The following NFIB variants were observed in gnomAD, a reference collection of about 807,000 sequenced individuals.
NFIB encodes nuclear factor 1 B-type.
In NFIB, 11 loss-of-function variants were observed where a neutral mutation model predicts 61.5. The ratio of observed to expected loss-of-function variants is 0.18; its 90% confidence interval spans 0.11 to 0.30. NFIB has a LOEUF of 0.30. NFIB is among the 10% of genes least tolerant of loss of function. NFIB has a pLI of 1.00. For missense variants in NFIB, 471 were observed against 608.9 expected, an observed-to-expected ratio of 0.77 and a Z score of 2.38; for synonymous variants, 260 against 216.5, an observed-to-expected ratio of 1.20 and a Z score of -1.76.
intron 3 of NFIB, among the ~76,000 whole-genome samples, chr9:14,159,810 G>A (rs1329053081): frequency 2.0e-5 from 3 of 152,212 alleles, no homozygotes; most frequent in Non-Finnish European, 4.4e-5. Context: ...TCAGCAAAAT[G>A]TCAGGTTATC....
chr9:14,263,713 A>G (rs2056977404), intron 2 of NFIB, among the ~76,000 whole-genome samples: 1 of 152,250 alleles, frequency 6.6e-6, no homozygotes, highest in Non-Finnish European at 1.5e-5. Context: ...ATGAGCCTAC[A>G]TTATCAAATT....
intron 1 of NFIB, among the ~76,000 whole-genome samples, chr9:14,396,406 T>C (rs896083422): frequency 4.6e-5 from 7 of 152,172 alleles, no homozygotes; most frequent in South Asian, 2.1e-4. Context: ...TCCCAGGAAC[T>C]GTTGGCACGC....
intron 1 of NFIB, among the ~76,000 whole-genome samples, chr9:14,342,536 G>C (rs1207820344): frequency 6.6e-6 from 1 of 152,060 alleles, no homozygotes; most frequent in Non-Finnish European, 1.5e-5. Context: ...GAAAAAGAGG[G>C]AAGGAAGGCT....
At chr9:14,295,582 G>A (rs2132591218) in intron 2 of NFIB, among the ~76,000 whole-genome samples, 1 of 152,250 alleles carries the variant, frequency 6.6e-6, no homozygotes, top group Non-Finnish European at 1.5e-5. Context: ...AGTGAGCCGA[G>A]ATTGCGCCAC....
the NFIB span, among the ~76,000 whole-genome samples, chr9:14,492,408 G>T: frequency 2.0e-5 from 3 of 147,810 alleles, no homozygotes; most frequent in South Asian, 6.3e-4. Flanking sequence ...AAAATAAAAA[G>T]AAATAAATAA....
At chr9:14,515,011 T>G in the NFIB span, among the ~76,000 whole-genome samples, 3 of 152,240 alleles carry the variant, frequency 2.0e-5, no homozygotes, top group East Asian at 5.8e-4. Flanking sequence ...GCTATTAGCT[T>G]TGAGTCATCT....
chr9:14,485,766 T>C, the NFIB span, among the ~76,000 whole-genome samples: 1 of 151,986 alleles, frequency 6.6e-6, no homozygotes, highest in Non-Finnish European at 1.5e-5. Flanking sequence ...TCCCAGCTAC[T>C]CAGGAGGCTG....
the NFIB span, among the ~76,000 whole-genome samples, chr9:14,416,996 G>A: frequency 4.6e-5 from 7 of 151,218 alleles, no homozygotes; most frequent in Admixed American, 2.0e-4. Context: ...GGGTTCAAGC[G>A]ATTCTCCTGC....
At position 14,126,789 on chromosome 9, in the gene NFIB, G is replaced by A. The variant is rs199691616; in HGVS notation, c.926-1023C>T. ...TTCCCCCAGAAACTAAATGGAGGGC[G>A]GACTGGCCAAAACAGAGACAGAAAT... On this transcript the variant is annotated intron_variant, in intron 6 of 10. Transcript: ENST00000380953. Among the ~76,000 whole-genome samples the A allele has an allele frequency of 5.9e-5, 9 of 152,240 alleles. No homozygotes were observed. The East Asian group carries it at 1.2e-3, about 20-fold the overall frequency.
At chr9:14,437,490 T>G in the NFIB span, among the ~76,000 whole-genome samples, 1 of 152,220 alleles carries the variant, frequency 6.6e-6, no homozygotes. Context: ...CCAAAGATTG[T>G]TGACTTCCCC....
chr9:14,120,542 G>A lies in NFIB; in HGVS notation c.1143C>T (p.Tyr381=). ...QAILPPAPSS[Y]FSHPTIRYPP... The stretch of plus-strand genomic sequence containing the variant: ...GATATCTGATTGTTGGATGAGAAAA[G>A]TAGCTCGATGGGGCTGGAGGAAGGA... Residue 381 remains tyrosine (Y), a synonymous_variant, in exon 8 of 11, where the codon TAC becomes TAT. Transcript: ENST00000380953. The surrounding 1 kb of genome is among the most constrained non-coding windows in gnomAD (Gnocchi z 4.4). The A allele has an allele frequency of 6.2e-7, 1 of 1,614,074 alleles. No individual in the cohort carries two copies. Among genetic ancestry groups the A allele is most frequent in the South Asian group, 1.1e-5 (1 of 91,064 alleles).
chr9:14,522,007 A>C, the NFIB span, among the ~76,000 whole-genome samples: 4 of 152,236 alleles, frequency 2.6e-5, no homozygotes, highest in African/African-American at 9.6e-5. Context: ...AAATGTTTTC[A>C]AAGTGTCTGA....
chr9:14,310,153 A>G (rs2060213603), intron 1 of NFIB, among the ~76,000 whole-genome samples: 1 of 152,208 alleles, frequency 6.6e-6, no homozygotes, highest in South Asian at 2.1e-4. Flanking sequence ...CCAAAATTCA[A>G]ATTTGAAGGT....
chr9:14,381,114 C>T (rs1377998159), intron 1 of NFIB, among the ~76,000 whole-genome samples: 1 of 149,956 alleles, frequency 6.7e-6, no homozygotes, highest in Non-Finnish European at 1.5e-5. Flanking sequence ...ATAATAATGC[C>T]TATTTGTATA....
At chr9:14,190,049 A>C (rs2047779016) in intron 2 of NFIB, among the ~76,000 whole-genome samples, 1 of 152,110 alleles carries the variant, frequency 6.6e-6, no homozygotes, top group Non-Finnish European at 1.5e-5. Context: ...TATGTTCCTA[A>C]AAAATTTTTT....
chr9:14,219,088 C>T (rs537849590), intron 2 of NFIB, among the ~76,000 whole-genome samples: 1 of 152,142 alleles, frequency 6.6e-6, no homozygotes, highest in African/African-American at 2.4e-5. Context: ...TGTAGATCAC[C>T]CAATTTGGTA....
At chr9:14,289,319 C>G (rs1034694859) in intron 2 of NFIB, among the ~76,000 whole-genome samples, 1 of 150,724 alleles carries the variant, frequency 6.6e-6, no homozygotes, top group Admixed American at 6.6e-5. Flanking sequence ...AATCAACAAG[C>G]CCACTGTATA....
At chr9:14,391,169 C>T (rs562111163) in intron 1 of NFIB, among the ~76,000 whole-genome samples, 11 of 152,130 alleles carry the variant, frequency 7.2e-5, no homozygotes, top group East Asian at 3.9e-4. Context: ...AACTTTTTAG[C>T]GGAGAAACCT....
Position 14,231,134 on chromosome 9 carries a change from AAATATATATATAT to A in NFIB, c.563-51367_563-51355del, listed in dbSNP as rs1393258903. Among the ~76,000 whole-genome samples the A allele has an allele frequency of 4.2e-4, 31 of 73,996 alleles. 1 individual carries two copies. The highest frequency in any genetic ancestry group is 1.9e-3 in the South Asian group (3 of 1,620). The allele number at this position is 73,996 out of a possible 152,430, so 48.5% of individuals were successfully genotyped here. ...TTTTCCATGGGGAAAAAAAAAAAAA[AAATATATATATAT>A]ATATATATATATATATATATTCGTT... On this transcript the variant is annotated intron_variant, in intron 2 of 10. Coordinates refer to ENST00000380953, the MANE Select transcript of NFIB (RefSeq NM_001190737.2).
Sources: allele counts gnomAD v4.1 joint callset (sites outside exome capture counted in the v4.1 genomes callset), GRCh38; gene constraint gnomAD v4.1.1; non-coding constraint Gnocchi (gnomAD v3.1); transcripts MANE v1.5; gene names NCBI Gene and HGNC (gene_info 2026-07-23, HGNC 2026-07-21).